Variants in GRID2 observed in about 807,000 individuals in gnomAD.
GRID2 encodes glutamate ionotropic receptor delta type subunit 2.
GRID2 carries 33 observed loss-of-function variants against 114.8 expected under a neutral mutation model. That is an observed-to-expected ratio of 0.29 (90% CI 0.22 to 0.38). The LOEUF is 0.38. Ranked by LOEUF, GRID2 falls within the 10% of genes least tolerant of loss-of-function variation. GRID2 has a pLI of 1.00. For synonymous variants in GRID2, 505 were observed against 449.9 expected (o/e 1.12, Z -1.55); for missense variants, 1,184 against 1,257.7 (o/e 0.94, Z 0.89).
At chr4:93,468,024 T>C (rs1724455375) in intron 11 of GRID2, among the ~76,000 whole-genome samples, 1 of 152,202 alleles carries the variant, frequency 6.6e-6, no homozygotes. Flanking sequence ...AGAATCATAT[T>C]GCATCATTTC....
intron 8 of GRID2, among the ~76,000 whole-genome samples, chr4:93,279,285 T>G (rs983517645): frequency 6.6e-6 from 1 of 151,774 alleles, no homozygotes; most frequent in Admixed American, 6.6e-5. Context: ...TTACTTCACT[T>G]AGGCACACTA....
intron 14 of GRID2, among the ~76,000 whole-genome samples, chr4:93,674,211 T>C (rs1232680737): frequency 6.6e-6 from 1 of 152,216 alleles, no homozygotes; most frequent in East Asian, 1.9e-4. Context: ...CTGGTGGGTC[T>C]GCCCTGTGCC....
At chr4:92,792,905 T>TTTCCC in intron 2 of GRID2, among the ~76,000 whole-genome samples, 1 of 151,710 alleles carries the variant, frequency 6.6e-6, no homozygotes, top group African/African-American at 2.4e-5. Context: ...TTTTTTTTTT[T>TTTCCC]TTTTGTCATT....
At chr4:92,475,974 TTTG>T (rs762636235) in intron 1 of GRID2, among the ~76,000 whole-genome samples, 57 of 151,782 alleles carry the variant, frequency 3.8e-4, no homozygotes, top group Non-Finnish European at 5.2e-4. Context: ...CTTTGGATAG[TTTG>T]TTGTTAGTGT....
intron 9 of GRID2, among the ~76,000 whole-genome samples, chr4:93,403,281 A>G (rs897061672): frequency 7.9e-5 from 12 of 152,286 alleles, no homozygotes; most frequent in African/African-American, 2.4e-4. Context: ...TAATCCTACA[A>G]TGGAAATACA....
At chr4:93,012,749 A>G (rs926138448) in intron 2 of GRID2, among the ~76,000 whole-genome samples, 9 of 152,188 alleles carry the variant, frequency 5.9e-5, no homozygotes, top group African/African-American at 2.2e-4. Context: ...TTGCCTTTAA[A>G]TAGTTGGGTT....
At chr4:92,612,372 T>A (rs1355118908) in intron 2 of GRID2, among the ~76,000 whole-genome samples, 3 of 151,516 alleles carry the variant, frequency 2.0e-5, no homozygotes. Context: ...AGTTTTGAAA[T>A]CTTGAACTGT....
intron 2 of GRID2, among the ~76,000 whole-genome samples, chr4:92,796,680 A>G (rs997783234): frequency 3.3e-5 from 5 of 151,850 alleles, no homozygotes; most frequent in Non-Finnish European, 5.9e-5. Context: ...GATTTTCCTA[A>G]TGGCATCTGG....
In GRID2 at chr4:92,717,789, A is replaced by G. The variant is rs1341470839; in HGVS notation, c.244+127503A>G. 2.0e-5 allele frequency among the ~76,000 whole-genome samples: 3 copies of G among 152,176 alleles called. No homozygotes were observed. The East Asian group carries it at 5.8e-4, about 29-fold the overall frequency. On this transcript the variant is annotated intron_variant, in intron 2 of 15. Coordinates refer to ENST00000282020, the MANE Select transcript of GRID2 (RefSeq NM_001510.4). ...CACTAATCAAGCAAATTGACTTCTA[A>G]TATGGCACAATTCATTCATTCACAT... is the stretch of plus-strand genomic sequence containing the variant.
intron 1 of GRID2, among the ~76,000 whole-genome samples, chr4:92,343,157 T>C (rs1281791068): frequency 3.9e-5 from 6 of 152,128 alleles, no homozygotes; most frequent in Non-Finnish European, 7.4e-5. Flanking sequence ...CTATTGGAGT[T>C]CCTCTGTAAA....
At chr4:93,006,642 A>G (rs1721562820) in intron 2 of GRID2, among the ~76,000 whole-genome samples, 1 of 152,080 alleles carries the variant, frequency 6.6e-6, no homozygotes, top group African/African-American at 2.4e-5. Flanking sequence ...TAATATCAAA[A>G]TATAAAAACA....
intron 14 of GRID2, among the ~76,000 whole-genome samples, chr4:93,731,859 C>T (rs1730511809): frequency 6.6e-6 from 1 of 152,196 alleles, no homozygotes; most frequent in Non-Finnish European, 1.5e-5. Context: ...GTCCTCATCC[C>T]TGTTGCTCTC....
intron 4 of GRID2, among the ~76,000 whole-genome samples, chr4:93,124,106 T>TGA (rs1553991675): frequency 7.6e-6 from 1 of 131,174 alleles, no homozygotes. Flanking sequence ...TAAAGTATAA[T>TGA]AAAAAAAAAA....
At chr4:92,375,983 C>T (rs772403980) in intron 1 of GRID2, among the ~76,000 whole-genome samples, 18 of 151,874 alleles carry the variant, frequency 1.2e-4, no homozygotes, top group African/African-American at 3.6e-4. Flanking sequence ...TCTGAATAAG[C>T]GATTCAGGGC....
At chr4:92,737,015 T>A (rs1182846962) in intron 2 of GRID2, among the ~76,000 whole-genome samples, 1 of 152,074 alleles carries the variant, frequency 6.6e-6, no homozygotes, top group South Asian at 2.1e-4. Flanking sequence ...GAGATACTCA[T>A]ATACTCATAT....
At chr4:92,650,916 G>A (rs1323903444) in intron 2 of GRID2, among the ~76,000 whole-genome samples, 1 of 151,914 alleles carries the variant, frequency 6.6e-6, no homozygotes, top group Non-Finnish European at 1.5e-5. Flanking sequence ...CACCTTGCTG[G>A]AATTGGAACT....
chr4:93,071,535 A>C (rs1426663775), intron 2 of GRID2, among the ~76,000 whole-genome samples: 1 of 152,166 alleles, frequency 6.6e-6, no homozygotes, highest in Non-Finnish European at 1.5e-5. Flanking sequence ...TCAGGACATA[A>C]AGAATAACAG....
At chr4:93,024,065 C>G (rs903977224) in intron 2 of GRID2, among the ~76,000 whole-genome samples, 1 of 151,788 alleles carries the variant, frequency 6.6e-6, no homozygotes, top group African/African-American at 2.4e-5. Flanking sequence ...CTTACTTTAA[C>G]TATCTGGTAG....
intron 1 of GRID2, among the ~76,000 whole-genome samples, chr4:92,506,902 T>C (rs1724003690): frequency 1.3e-5 from 2 of 152,052 alleles, no homozygotes; most frequent in African/African-American, 2.4e-5. Context: ...CTAATATGTC[T>C]TTTATTTATC....
Sources: gnomAD v4.1 joint callset for allele counts (sites outside exome capture counted in the v4.1 genomes callset) on GRCh38, gnomAD v4.1.1 for gene constraint, MANE v1.5 for transcripts, NCBI Gene and HGNC (gene_info 2026-07-23, HGNC 2026-07-21) for gene names.